The following ENOX1 variants were observed in gnomAD, a reference collection of about 807,000 sequenced individuals.
ENOX1 encodes the protein ecto-NOX disulfide-thiol exchanger 1.
A neutral mutation model predicts 82.5 loss-of-function variants in ENOX1; 42 were observed. The observed-to-expected ratio is 0.51, with a 90% CI of 0.40 to 0.66. The LOEUF is 0.66. Ranked by LOEUF, ENOX1 falls within the 30% of genes least tolerant of loss-of-function variation. The pLI is 0.00. For missense variants in ENOX1, 608 were observed against 811.6 expected (o/e 0.75, Z 3.05); for synonymous variants, 271 against 282.2 (o/e 0.96, Z 0.40).
At chr13:43,699,368 T>C (rs892096392) in intron 1 of ENOX1, among the ~76,000 whole-genome samples, 2 of 152,192 alleles carry the variant, frequency 1.3e-5, no homozygotes, top group South Asian at 4.1e-4. Flanking sequence ...TCTTTTCTCC[T>C]TCTAGAATGG....
At chr13:43,686,735 G>A (rs1356105785) in intron 1 of ENOX1, among the ~76,000 whole-genome samples, 3 of 152,302 alleles carry the variant, frequency 2.0e-5, no homozygotes, top group Admixed American at 1.3e-4. Flanking sequence ...TCTCCTTGGG[G>A]AGGTCAGGGA....
At chr13:43,631,482 G>T (rs1447611235) in intron 2 of ENOX1, among the ~76,000 whole-genome samples, 1 of 152,166 alleles carries the variant, frequency 6.6e-6, no homozygotes, top group Non-Finnish European at 1.5e-5. Context: ...TCTGCTCCGA[G>T]AAGAACTGCT....
At chr13:43,649,096 C>G (rs2084031882) in intron 2 of ENOX1, among the ~76,000 whole-genome samples, 5 of 152,204 alleles carry the variant, frequency 3.3e-5, no homozygotes, top group Admixed American at 3.3e-4. Context: ...ATGATGGTCT[C>G]TGATATCCAA....
chr13:43,736,289 G>C (rs1396003975), intron 1 of ENOX1, among the ~76,000 whole-genome samples: 1 of 152,104 alleles, frequency 6.6e-6, no homozygotes, highest in African/African-American at 2.4e-5. Context: ...ATGGTAGTTT[G>C]CTTATTTCCT....
intron 2 of ENOX1, among the ~76,000 whole-genome samples, chr13:43,664,089 T>C (rs972147599): frequency 6.6e-6 from 1 of 152,186 alleles, no homozygotes; most frequent in Non-Finnish European, 1.5e-5. Flanking sequence ...ATTTGTTTAA[T>C]TAATATACTT....
intron 2 of ENOX1, among the ~76,000 whole-genome samples, chr13:43,616,187 T>TAGATAGATAG (rs1309689878): frequency 0.011 from 128 of 11,264 alleles, 14 homozygotes; most frequent in Non-Finnish European, 0.041. Context: ...TCTATCTATC[T>TAGATAGATAG]ATATATATAT....
Position 43,667,524 on chromosome 13 carries a change from A to G in ENOX1, c.-264T>C, listed in dbSNP as rs542655358. 135 of 985,124 alleles carry G rather than the reference A, an allele frequency of 1.4e-4. No individual in the cohort carries two copies. The African/African-American group carries it at 2.2e-3, about 16-fold the overall frequency. The allele number at this position is 985,124 out of a possible 1,614,324, so 61.0% of individuals were successfully genotyped here. ...CTCCTCCACATATTATAAATACGAC[A>G]TCATGCTGGCAGCAAAGGACCTGTA... On this transcript the variant is annotated 5_prime_UTR_variant, in exon 2 of 17. It removes an upstream start codon present in the reference 5' UTR. Transcript: ENST00000690772.
chr13:43,326,751 C>T (rs773449235), intron 9 of ENOX1, among the ~76,000 whole-genome samples: 2 of 152,070 alleles, frequency 1.3e-5, no homozygotes, highest in African/African-American at 2.4e-5. Flanking sequence ...TAAGTATGAC[C>T]GGGAGAAGGG....
chr13:43,591,093 T>A (rs999228304), intron 2 of ENOX1, among the ~76,000 whole-genome samples: 3 of 152,216 alleles, frequency 2.0e-5, no homozygotes, highest in African/African-American at 7.2e-5. Context: ...TATTTGAAGA[T>A]ACACATACCC....
intron 14 of ENOX1, among the ~76,000 whole-genome samples, chr13:43,263,828 G>A (rs2044218843): frequency 6.6e-6 from 1 of 152,250 alleles, no homozygotes; most frequent in East Asian, 1.9e-4. Context: ...GGCTGTGTGT[G>A]GAGTGGATAT....
intron 12 of ENOX1, among the ~76,000 whole-genome samples, chr13:43,288,565 C>T (rs1480930979): frequency 1.3e-5 from 2 of 152,252 alleles, no homozygotes; most frequent in Admixed American, 6.5e-5. Context: ...CCTTTCTCTA[C>T]ACTGTTAATA....
chr13:43,543,077 T>C (rs2078813932), intron 2 of ENOX1, among the ~76,000 whole-genome samples: 1 of 152,162 alleles, frequency 6.6e-6, no homozygotes, highest in African/African-American at 2.4e-5. Flanking sequence ...TTTCAGTCTG[T>C]AAGAACGAGT....
At chr13:43,536,338 C>T (rs2078459449) in intron 2 of ENOX1, among the ~76,000 whole-genome samples, 1 of 152,132 alleles carries the variant, frequency 6.6e-6, no homozygotes. Context: ...AATTTGTTTG[C>T]ATTCATGTTT....
At chr13:43,442,860 T>C (rs2056434003) in intron 3 of ENOX1, among the ~76,000 whole-genome samples, 1 of 152,170 alleles carries the variant, frequency 6.6e-6, no homozygotes, top group Non-Finnish European at 1.5e-5. Flanking sequence ...TAATACATAA[T>C]ACATACCAAT....
At chr13:43,231,345 G>A (rs771772257) in intron 15 of ENOX1, among the ~76,000 whole-genome samples, 14 of 152,214 alleles carry the variant, frequency 9.2e-5, no homozygotes, top group Non-Finnish European at 2.1e-4. Flanking sequence ...GTGATGAAGC[G>A]TATATGGGAA....
intron 14 of ENOX1, among the ~76,000 whole-genome samples, chr13:43,259,319 T>C (rs1202802650): frequency 1.3e-5 from 2 of 152,116 alleles, no homozygotes; most frequent in African/African-American, 2.4e-5. Context: ...TGTCAGGCTG[T>C]GTGGGGACAC....
intron 2 of ENOX1, among the ~76,000 whole-genome samples, chr13:43,633,774 G>A (rs1424868535): frequency 6.6e-6 from 1 of 151,530 alleles, no homozygotes; most frequent in African/African-American, 2.4e-5. Context: ...AGAACAAAAA[G>A]GATAGTAGTA....
At chr13:43,432,513 C>T (rs2055738271) in intron 3 of ENOX1, among the ~76,000 whole-genome samples, 1 of 152,008 alleles carries the variant, frequency 6.6e-6, no homozygotes, top group African/African-American at 2.4e-5. Flanking sequence ...CGTGGTGGCG[C>T]ATGTTTGTAA....
intron 5 of ENOX1, among the ~76,000 whole-genome samples, chr13:43,407,533 T>C (rs1001797727): frequency 6.6e-6 from 1 of 152,230 alleles, no homozygotes; most frequent in Non-Finnish European, 1.5e-5. Flanking sequence ...CAACCCATCA[T>C]CTAGGTTTTA....
Sources: gnomAD v4.1 joint callset for allele counts (sites outside exome capture counted in the v4.1 genomes callset) on GRCh38, gnomAD v4.1.1 for gene constraint, MANE v1.5 for transcripts, NCBI Gene and HGNC (gene_info 2026-07-23, HGNC 2026-07-21) for gene names.